GPC5: variants seen among roughly 807,000 people sequenced by gnomAD.
GPC5 encodes glypican-5.
In GPC5, 47 loss-of-function variants were observed where a neutral mutation model predicts 53.9. The ratio of observed to expected loss-of-function variants is 0.87; its 90% CI spans 0.69 to 1.11. GPC5 has a LOEUF of 1.11. Ranked by LOEUF, GPC5 falls within the 50% of genes most tolerant of loss-of-function variation. GPC5 has a pLI of 0.00. For missense variants in GPC5, 748 were observed against 713.1 expected (o/e 1.05, Z -0.56); for synonymous variants, 286 against 263.3 (o/e 1.09, Z -0.84).
At chr13:91,938,196 A>G (rs187762759) in intron 6 of GPC5, among the ~76,000 whole-genome samples, 232 of 152,184 alleles carry the variant, frequency 1.5e-3, no homozygotes, top group Non-Finnish European at 2.5e-3. Context: ...GCTCTACAGG[A>G]AGCATATTGC....
At chr13:91,881,511 T>C (rs1351833432) in intron 5 of GPC5, among the ~76,000 whole-genome samples, 1 of 152,162 alleles carries the variant, frequency 6.6e-6, no homozygotes, top group Non-Finnish European at 1.5e-5. Context: ...TACATGGGTC[T>C]TTAAAACATA....
chr13:92,525,840 T>C (rs1881260240), intron 7 of GPC5, among the ~76,000 whole-genome samples: 1 of 152,050 alleles, frequency 6.6e-6, no homozygotes, highest in South Asian at 2.1e-4. Flanking sequence ...AGCTATATAC[T>C]CCTCTGTATC....
chr13:92,386,550 A>G (rs1367383602), intron 7 of GPC5, among the ~76,000 whole-genome samples: 2 of 152,044 alleles, frequency 1.3e-5, no homozygotes, highest in Non-Finnish European at 1.5e-5. Flanking sequence ...TAATATACCA[A>G]TTGTGTGTAG....
intron 3 of GPC5, chr13:91,725,222 G>A (rs190148578): frequency 3.3e-5 from 5 of 152,374 alleles, no homozygotes; most frequent in Admixed American, 2.6e-4. Flanking sequence ...CTGAAAACCG[G>A]AGTAGATAAG....
At chr13:92,469,509 G>C (rs931280321) in intron 7 of GPC5, among the ~76,000 whole-genome samples, 4 of 152,096 alleles carry the variant, frequency 2.6e-5, no homozygotes, top group African/African-American at 9.7e-5. Flanking sequence ...TTAGCATTAT[G>C]ATTAAGACTA....
intron 6 of GPC5, among the ~76,000 whole-genome samples, chr13:92,111,578 C>A: frequency 8.2e-6 from 1 of 121,680 alleles, no homozygotes; most frequent in East Asian, 2.0e-4. Context: ...TTGCCCTCTG[C>A]CCCACAAAAA....
At chr13:91,862,059 C>T (rs1375207871) in intron 5 of GPC5, among the ~76,000 whole-genome samples, 1 of 151,732 alleles carries the variant, frequency 6.6e-6, no homozygotes, top group African/African-American at 2.4e-5. Context: ...TAATAGTTTC[C>T]CTTCAACGAA....
At chr13:92,854,378 T>C (rs1419972627) in intron 7 of GPC5, among the ~76,000 whole-genome samples, 1 of 149,220 alleles carries the variant, frequency 6.7e-6, no homozygotes, top group African/African-American at 2.4e-5. Flanking sequence ...TCAATAGATA[T>C]TAAATATATA....
At chr13:91,813,894 T>C (rs953392978) in intron 5 of GPC5, among the ~76,000 whole-genome samples, 14 of 150,964 alleles carry the variant, frequency 9.3e-5, no homozygotes, top group Non-Finnish European at 1.8e-4. Flanking sequence ...TAAGATAATA[T>C]TTAGACTGTT....
chr13:92,599,272 G>A (rs1039881882), intron 7 of GPC5, among the ~76,000 whole-genome samples: 3 of 152,134 alleles, frequency 2.0e-5, no homozygotes, highest in Non-Finnish European at 4.4e-5. Flanking sequence ...ATATGCACCT[G>A]AACTATATTT....
chr13:91,805,413 A>G (rs1278984774), intron 5 of GPC5, among the ~76,000 whole-genome samples: 1 of 152,200 alleles, frequency 6.6e-6, no homozygotes, highest in Non-Finnish European at 1.5e-5. Flanking sequence ...CTTCCAAATT[A>G]AAGAGTGTAT....
intron 6 of GPC5, among the ~76,000 whole-genome samples, chr13:92,058,126 C>A (rs938735151): frequency 6.6e-6 from 1 of 152,208 alleles, no homozygotes; most frequent in African/African-American, 2.4e-5. Context: ...GATTAGAAGA[C>A]AACCACTGTT....
chr13:92,209,623 T>C (rs1371556843), intron 7 of GPC5, among the ~76,000 whole-genome samples: 3 of 152,146 alleles, frequency 2.0e-5, no homozygotes, highest in African/African-American at 7.2e-5. Flanking sequence ...CCCAACAACC[T>C]TGTGACACAG....
intron 7 of GPC5, among the ~76,000 whole-genome samples, chr13:92,778,574 A>C (rs1875904939): frequency 6.6e-6 from 1 of 152,210 alleles, no homozygotes. Flanking sequence ...TATTGTCTTG[A>C]TACTAATTCC....
chr13:92,800,807 A>G (rs150407619), intron 7 of GPC5, among the ~76,000 whole-genome samples: 61 of 151,880 alleles, frequency 4.0e-4, no homozygotes, highest in Admixed American at 1.3e-3. Flanking sequence ...CAATAATAAT[A>G]CCTTAGGGTG....
chr13:92,483,392 G>A (rs1879428488), intron 7 of GPC5, among the ~76,000 whole-genome samples: 2 of 152,062 alleles, frequency 1.3e-5, no homozygotes, highest in Non-Finnish European at 2.9e-5. Context: ...GTAACACAAT[G>A]GTAAGTATTT....
intron 7 of GPC5, among the ~76,000 whole-genome samples, chr13:92,722,990 G>A (rs1174491063): frequency 6.6e-6 from 1 of 151,660 alleles, no homozygotes; most frequent in African/African-American, 2.4e-5. Context: ...GTACTTAGAT[G>A]ATATATGAAA....
In GPC5 at chr13:91,699,934, G is replaced by GT. The variant is rs1016113204; in HGVS notation, c.1020+6061dup. ...CTATTTTTAATATGAAGGTAATTTT[G>GT]TTTTTTTTCAGATATGGAATGAGAT... On this transcript the variant is annotated intron_variant, in intron 3 of 7. Coordinates refer to ENST00000377067, the MANE Select transcript of GPC5 (RefSeq NM_004466.6). Among the ~76,000 whole-genome samples, 133 of 151,712 alleles carry GT rather than the reference G, an allele frequency of 8.8e-4. 3 individuals carry two copies. Among genetic ancestry groups the GT allele is most frequent in the African/African-American group, 1.6e-3 (65 of 41,364 alleles).
At chr13:92,118,990 GC>G (rs1483739347) in intron 6 of GPC5, among the ~76,000 whole-genome samples, 2 of 152,020 alleles carry the variant, frequency 1.3e-5, no homozygotes, top group African/African-American at 4.8e-5. Flanking sequence ...CCTTCTTTTT[GC>G]CTATTGTGTA....
Sources: allele counts gnomAD v4.1 joint callset (sites outside exome capture counted in the v4.1 genomes callset), GRCh38; gene constraint gnomAD v4.1.1; transcripts MANE v1.5; gene names NCBI Gene and HGNC (gene_info 2026-07-23, HGNC 2026-07-21).